Variants in OVCH1 observed in about 807,000 individuals in gnomAD.
The protein encoded by OVCH1 is ovochymase 1.
A neutral mutation model predicts 138.4 loss-of-function variants in OVCH1; 139 were observed. That is an observed-to-expected ratio of 1.00 (90% CI 0.87 to 1.16). OVCH1 has a LOEUF of 1.16. OVCH1 is among the 50% of genes most tolerant of loss of function. The pLI is 0.00. For missense variants in OVCH1, 1,367 were observed against 1,357.9 expected (o/e 1.01, Z -0.11); for synonymous variants, 453 against 467.8 (o/e 0.97, Z 0.41).
intron 19 of OVCH1, among the ~76,000 whole-genome samples, chr12:29,456,209 T>G (rs1359396680): frequency 6.6e-6 from 1 of 151,980 alleles, no homozygotes; most frequent in Non-Finnish European, 1.5e-5. Context: ...GTAGCAGCAG[T>G]AAAATCTGAG....
chr12:29,490,345 G>A (rs1429357991), intron 5 of OVCH1, among the ~76,000 whole-genome samples: 1 of 152,152 alleles, frequency 6.6e-6, no homozygotes, highest in Non-Finnish European at 1.5e-5. Context: ...CTCCCAAAGT[G>A]CTAAGATTAC....
Position 29,471,993 on chromosome 12 carries a change from G to C in OVCH1, c.1676-11C>G. On this transcript the variant is annotated splice_polypyrimidine_tract_variant and intron_variant, in intron 15 of 27. Transcript: ENST00000318184. ...GGATGCCACAGACATCTACAGTAAA[G>C]ATGAAACCAATGACCCATAAGGTTG... 6.2e-7 allele frequency: 1 copy of C among 1,600,620 alleles called. No individual in the cohort carries two copies. The highest frequency in any genetic ancestry group is 2.2e-5 in the East Asian group (1 of 44,530).
intron 3 of OVCH1, among the ~76,000 whole-genome samples, chr12:29,412,971 T>TACTA (rs5797321): frequency 0.23 from 34,531 of 151,482 alleles, 4,543 homozygotes; most frequent in Admixed American, 0.4. Flanking sequence ...CTCCTAAGCC[T>TACTA]ACTAACTAAC....
chr12:29,419,960 G>T (rs900144509), intron 3 of OVCH1, among the ~76,000 whole-genome samples: 11 of 152,208 alleles, frequency 7.2e-5, no homozygotes, highest in African/African-American at 2.7e-4. Context: ...TAAAGAAAAT[G>T]AGGTTTTGAT....
At chr12:29,485,358 G>GGTGCAGT (rs1943062069) in intron 8 of OVCH1, among the ~76,000 whole-genome samples, 2 of 150,824 alleles carry the variant, frequency 1.3e-5, no homozygotes, top group Non-Finnish European at 3.0e-5. Flanking sequence ...AAATAAGCTG[G>GGTGCAGT]GTGCAGTGGT....
At chr12:29,462,680 T>C (rs530038421) in intron 18 of OVCH1, among the ~76,000 whole-genome samples, 7 of 152,116 alleles carry the variant, frequency 4.6e-5, no homozygotes, top group Non-Finnish European at 7.4e-5. Flanking sequence ...TTTACATTTA[T>C]ATAGTATCTT....
At chr12:29,428,594 C>T (rs963616621) in intron 27 of OVCH1, among the ~76,000 whole-genome samples, 14 of 152,160 alleles carry the variant, frequency 9.2e-5, no homozygotes, top group Non-Finnish European at 1.5e-5. Flanking sequence ...TTCCCCTCCT[C>T]CATACCCCAA....
intron 8 of OVCH1, among the ~76,000 whole-genome samples, chr12:29,484,339 C>T (rs1370324043): frequency 6.6e-6 from 1 of 152,110 alleles, no homozygotes; most frequent in Non-Finnish European, 1.5e-5. Context: ...TTACCAGACG[C>T]TGTTAGTATT....
chr12:29,496,783 C>T, intron 1 of OVCH1, 109 bp from the exon 2 acceptor site: 1 of 727,494 alleles, frequency 1.4e-6, no homozygotes, highest in East Asian at 2.6e-5. Flanking sequence ...ATTCTGATAG[C>T]ACTTAGCTGC....
At chr12:29,411,503 G>C (rs1213678432), downstream of OVCH1, among the ~76,000 whole-genome samples, 1 of 151,916 alleles carries the variant, frequency 6.6e-6, no homozygotes, top group Non-Finnish European at 1.5e-5. Context: ...CTTTCCGTTT[G>C]TTAGTTTTCC....
chr12:29,476,190 G>A lies in OVCH1; in HGVS notation c.1471+16C>T, dbSNP rs372878477. The A allele has an allele frequency of 4.4e-6, 7 of 1,586,494 alleles. No individual in the cohort carries two copies. In the African/African-American group the frequency reaches 9.4e-5, roughly 21 times the overall value. ...TCGTCTAACACTTTCATATTTAAAG[G>A]GTGAAGTCTACCTACCTAACTTGTG... On this transcript the variant is annotated intron_variant, in intron 13 of 27. Transcript: ENST00000318184.
chr12:29,477,018 A>T (rs1000213260), intron 12 of OVCH1, 84 bp downstream of exon 12: 7 of 1,389,468 alleles, frequency 5.0e-6, no homozygotes, highest in Admixed American at 6.2e-5. Flanking sequence ...CATAATGGCA[A>T]TTTAACAATC....
At chr12:29,462,057 G>T (rs767378149) in intron 18 of OVCH1, 49 bp from the exon 19 acceptor site, 1 of 1,574,194 alleles carries the variant, frequency 6.4e-7, no homozygotes, top group South Asian at 1.1e-5. Flanking sequence ...TAAGCAGAAA[G>T]TGTTGTTAGA....
At chr12:29,475,786 A>C (rs1942686736) in intron 13 of OVCH1, among the ~76,000 whole-genome samples, 1 of 152,206 alleles carries the variant, frequency 6.6e-6, no homozygotes, top group Admixed American at 6.5e-5. Flanking sequence ...TCACGATTAA[A>C]AGTATATTTG....
At chr12:29,424,635 A>G (rs1256693478), downstream of OVCH1, among the ~76,000 whole-genome samples, 4 of 152,076 alleles carry the variant, frequency 2.6e-5, no homozygotes, top group Non-Finnish European at 5.9e-5. Context: ...GTTTGAACCA[A>G]CTCTATCCCT....
At chr12:29,493,019 A>T (rs1036625131) in intron 4 of OVCH1, among the ~76,000 whole-genome samples, 1 of 152,208 alleles carries the variant, frequency 6.6e-6, no homozygotes, top group African/African-American at 2.4e-5. Flanking sequence ...AGTGACTGTG[A>T]CAAGACCAAA....
At chr12:29,443,915 G>A (rs1400372959) in intron 24 of OVCH1, among the ~76,000 whole-genome samples, 2 of 151,954 alleles carry the variant, frequency 1.3e-5, no homozygotes, top group Non-Finnish European at 2.9e-5. Context: ...TTTTCACTTT[G>A]CTAATACATG....
the OVCH1 span, among the ~76,000 whole-genome samples, chr12:29,407,446 T>C: frequency 4.0e-5 from 6 of 151,222 alleles, no homozygotes; most frequent in Admixed American, 2.0e-4. Context: ...TTAGCTCTAA[T>C]GTGTAAGTCT....
chr12:29,471,210 C>T (rs1942497349), intron 16 of OVCH1, among the ~76,000 whole-genome samples: 2 of 152,096 alleles, frequency 1.3e-5, no homozygotes, highest in South Asian at 4.1e-4. Context: ...CTTTAAACTA[C>T]AAATATATTA....
Sources: gnomAD v4.1 joint callset for allele counts (sites outside exome capture counted in the v4.1 genomes callset) on GRCh38, gnomAD v4.1.1 for gene constraint, MANE v1.5 for transcripts, NCBI Gene and HGNC (gene_info 2026-07-23, HGNC 2026-07-21) for gene names.